AKAP5: variants seen among roughly 807,000 people sequenced by gnomAD.
AKAP5 encodes A-kinase anchor protein 5.
A neutral mutation model predicts 13.8 loss-of-function variants in AKAP5; 5 were observed. That is an observed-to-expected ratio of 0.36 (90% CI 0.19 to 0.76). The LOEUF is 0.76. Among genes scored for constraint, AKAP5 ranks in the 30% least tolerant of loss-of-function variants. The probability of loss-of-function intolerance (pLI) is 0.51; values close to 1 mark genes in which losing one functional copy is unlikely to be tolerated. For synonymous variants in AKAP5, 148 were observed against 167.2 expected (o/e 0.89, Z 0.89); for missense variants, 406 against 484.4 (o/e 0.84, Z 1.52).
chr14:64,472,905 A>G lies in AKAP5; in HGVS notation c.*3227A>G, dbSNP rs2078689455. The G allele has an allele frequency of 6.0e-6, 1 of 166,886 alleles. No homozygotes were observed. Among genetic ancestry groups the G allele is most frequent in the Non-Finnish European group, 1.5e-5 (1 of 68,092 alleles). 10.3% of individuals were successfully genotyped at this position (166,886 alleles called of 1,614,324 possible). On this transcript the variant is annotated 3_prime_UTR_variant, in exon 2 of 2. Transcript: ENST00000394718. ...AATAATTATTAGGAACACCACATGA[A>G]TTTTCTTTACATTTGCTGTGGTATA...
rs2078642226 is a variant in AKAP5, at chr14:64,469,223, G to A, written c.829G>A (p.Val277Met). Residue 277 changes from valine to methionine, a missense_variant, in exon 2 of 2, where the codon GTG becomes ATG. Physicochemically the swap from Val to Met is conservative, Grantham distance 21 (BLOSUM62 1). Coordinates refer to ENST00000394718, the MANE Select transcript of AKAP5 (RefSeq NM_004857.3). ...ACCTGCAATTCCAGATCAACAAATT[G>A]TGGAAGAAGCCAGTAACAGTACCCT... ...PLPAIPDQQI[V>M]EEASNSTLES... 6.2e-7 allele frequency: 1 copy of A among 1,613,984 alleles called. No individual in the cohort carries two copies. Among genetic ancestry groups the A allele is most frequent in the South Asian group, 1.1e-5 (1 of 91,088 alleles).
At position 64,472,662 on chromosome 14, in the gene AKAP5, C is replaced by T. The variant is rs2078685889; in HGVS notation, c.*2984C>T. The T allele has an allele frequency of 6.0e-6, 1 of 166,928 alleles. No individual in the cohort carries two copies. The highest frequency in any genetic ancestry group is 1.5e-5 in the Non-Finnish European group (1 of 68,076). 10.3% of individuals were successfully genotyped at this position (166,928 alleles called of 1,614,324 possible). ...AAGGAATTCCGAAATTAACTGGTCTCAATCTGATTATATGTGCTACATGGC... is the reference window on the plus strand; with the variant it reads ...AAGGAATTCCGAAATTAACTGGTCTTAATCTGATTATATGTGCTACATGGC... On this transcript the variant is annotated 3_prime_UTR_variant, in exon 2 of 2. Coordinates refer to ENST00000394718, the MANE Select transcript of AKAP5 (RefSeq NM_004857.3).
At position 64,469,518 on chromosome 14, in the gene AKAP5, CTAA is replaced by C. The variant is rs1355869408; in HGVS notation, c.1126_1128del (p.Asn376del). The C allele has an allele frequency of 6.2e-7, 1 of 1,613,490 alleles. No homozygotes were observed. The highest frequency in any genetic ancestry group is 1.3e-5 in the African/African-American group (1 of 74,988). On this transcript the variant is annotated inframe_deletion, in exon 2 of 2. Coordinates refer to ENST00000394718, the MANE Select transcript of AKAP5 (RefSeq NM_004857.3). ...GAAAATGAGCAAGTAGGGGTTTTTGCTAATGATAATGGTTTTGAGGATAGAACT... is the reference window on the plus strand; with the variant it reads ...GAAAATGAGCAAGTAGGGGTTTTTGCTGATAATGGTTTTGAGGATAGAACT...
rs1428975447 is a variant in AKAP5, at chr14:64,468,671, G to C, written c.277G>C (p.Glu93Gln). 1 of 1,614,072 alleles carries C rather than the reference G, an allele frequency of 6.2e-7. No individual in the cohort carries two copies. The highest frequency in any genetic ancestry group is 1.7e-5 in the Admixed American group (1 of 60,032). The change falls in exon 2 of 2, where the codon GAG (glutamate) becomes CAG (glutamine). Residue 93 changes from glutamate (E) to glutamine (Q), a missense_variant. Physicochemically the swap from Glu to Gln is conservative, Grantham distance 29. Coordinates refer to ENST00000394718, the MANE Select transcript of AKAP5 (RefSeq NM_004857.3). Reference sequence around the variant, plus strand: ...TCTTGTAACACGCAGGAAAAGGTCAGAGTCTTCAAAGCAGCAAAAGCCATT... The same window carrying C: ...TCTTGTAACACGCAGGAAAAGGTCACAGTCTTCAAAGCAGCAAAAGCCATT... ...KRLVTRRKRS[E>Q]SSKQQKPLEG...
At position 64,469,179 on chromosome 14, in the gene AKAP5, T is replaced by G; in HGVS notation, c.785T>G (p.Leu262Arg). Residue 262 changes from leucine to arginine, a missense_variant, in exon 2 of 2, where the codon CTT becomes CGT. By Grantham distance (102) the Leu-to-Arg change is moderately radical. Transcript: ENST00000394718. ...TSETDHQQPV[L>R]SDVPPLPAIP... Reference sequence around the variant, plus strand: ...GAAACAGACCATCAGCAGCCAGTACTTTCTGATGTTCCTCCTTTACCTGCA... The same window carrying G: ...GAAACAGACCATCAGCAGCCAGTACGTTCTGATGTTCCTCCTTTACCTGCA... 6.2e-7 allele frequency: 1 copy of G among 1,614,156 alleles called. No homozygotes were observed. The highest frequency in any genetic ancestry group is 8.5e-7 in the Non-Finnish European group (1 of 1,180,034).
Position 64,469,562 on chromosome 14 carries a change from A to T in AKAP5, c.1168A>T (p.Thr390Ser). ...FEDRTSEQYETLLIETASSLV... is the reference protein window; with the variant it reads ...FEDRTSEQYESLLIETASSLV... Reference sequence around the variant, plus strand: ...GGATAGAACTTCAGAACAATATGAAACACTCTTAATTGAAACAGCCTCTTC... The same window carrying T: ...GGATAGAACTTCAGAACAATATGAATCACTCTTAATTGAAACAGCCTCTTC... Residue 390 changes from threonine to serine, a missense_variant, in exon 2 of 2, where the codon ACA becomes TCA. Physicochemically the swap from Thr to Ser is moderately conservative, Grantham distance 58. Transcript: ENST00000394718. 6.2e-7 allele frequency: 1 copy of T among 1,613,894 alleles called. No homozygotes were observed. The highest frequency in any genetic ancestry group is 1.1e-5 in the South Asian group (1 of 90,994).
chr14:64,468,284 T>G lies in AKAP5; in HGVS notation c.-111T>G. On this transcript the variant is annotated 5_prime_UTR_variant, in exon 2 of 2. It removes an upstream start codon present in the reference 5' UTR. Coordinates refer to ENST00000394718, the MANE Select transcript of AKAP5 (RefSeq NM_004857.3). ...TGGAGTAAGATGAAAGGTATGAATA[T>G]GCCTGGAAGAAATTTTACCTAGTGT... The G allele has an allele frequency of 9.9e-7, 1 of 1,007,394 alleles. No homozygotes were observed. Among genetic ancestry groups the G allele is most frequent in the Non-Finnish European group, 1.4e-6 (1 of 698,358 alleles). 62.4% of individuals were successfully genotyped at this position (1,007,394 alleles called of 1,614,324 possible). A position where few individuals can be genotyped will look rare whatever the true frequency, so the allele number is the denominator to read the frequency against.
Position 64,468,248 on chromosome 14 carries a change from A to G in AKAP5, c.-147A>G. On this transcript the variant is annotated 5_prime_UTR_variant, in exon 2 of 2. Transcript: ENST00000394718. ...ATTTCTATACTAGAGAAACCACCTAAAACAACTGTATGGAGTAAGATGAAA... is the reference window on the plus strand; with the variant it reads ...ATTTCTATACTAGAGAAACCACCTAGAACAACTGTATGGAGTAAGATGAAA... 1 of 665,244 alleles carries G rather than the reference A, an allele frequency of 1.5e-6. No individual in the cohort carries two copies. The highest frequency in any genetic ancestry group is 2.7e-5 in the South Asian group (1 of 36,378). 41.2% of individuals were successfully genotyped at this position (665,244 alleles called of 1,614,324 possible).
In AKAP5 at chr14:64,469,235, A is replaced by G; in HGVS notation, c.841A>G (p.Ser281Gly). 3.7e-6 allele frequency: 6 copies of G among 1,614,058 alleles called. No homozygotes were observed. Among genetic ancestry groups the G allele is most frequent in the Non-Finnish European group, 5.1e-6 (6 of 1,180,026 alleles). The change falls in exon 2 of 2, where the codon AGT becomes GGT. Residue 281 changes from serine to glycine, a missense_variant. Ser to Gly is a moderately conservative substitution (Grantham distance 56). Transcript: ENST00000394718. ...IPDQQIVEEA[S>G]NSTLESAPNG... The stretch of plus-strand genomic sequence containing the variant: ...AGATCAACAAATTGTGGAAGAAGCC[A>G]GTAACAGTACCCTAGAAAGTGCACC...
Position 64,469,729 on chromosome 14 carries a change from T to A in AKAP5, c.*51T>A. The stretch of plus-strand genomic sequence containing the variant: ...AAAACAAGCTTAATGAAGAATTCTT[T>A]TATACATTTGTGGCATTTCTTACTC... On this transcript the variant is annotated 3_prime_UTR_variant, in exon 2 of 2. Coordinates refer to ENST00000394718, the MANE Select transcript of AKAP5 (RefSeq NM_004857.3). The A allele has an allele frequency of 8.5e-6, 11 of 1,298,516 alleles. No individual in the cohort carries two copies. The highest frequency in any genetic ancestry group is 1.2e-5 in the Non-Finnish European group (11 of 946,602). The allele number at this position is 1,298,516 out of a possible 1,614,324, so 80.4% of individuals were successfully genotyped here.
rs2078682353 is a variant in AKAP5 at position 64,472,405 on chromosome 14, T to TA, written c.*2734dup. 1 of 167,016 alleles carries TA rather than the reference T, an allele frequency of 6.0e-6. No homozygotes were observed. The highest frequency in any genetic ancestry group is 1.5e-5 in the Non-Finnish European group (1 of 68,108). The allele number at this position is 167,016 out of a possible 1,614,324, so 10.3% of individuals were successfully genotyped here. ...TATTGGAAATATTTTGGGGGATTTT[T>TA]AAAAAAACAGATAAATGGTAAATAT... On this transcript the variant is annotated 3_prime_UTR_variant, in exon 2 of 2. Coordinates refer to ENST00000394718, the MANE Select transcript of AKAP5 (RefSeq NM_004857.3).
rs779894040 is a variant in AKAP5, at chr14:64,469,654, T to C, written c.1260T>C (p.Asn420=). 1 of 1,590,786 alleles carries C rather than the reference T, an allele frequency of 6.3e-7. No homozygotes were observed. The highest frequency in any genetic ancestry group is 8.5e-7 in the Non-Finnish European group (1 of 1,172,244). ...QLVNEMASDD[N]KINNLLQ is the part of the protein sequence containing the mutation. ...TTAATGAAATGGCCTCTGATGATAA[T>C]AAAATAAACAATCTTCTACAGTGAC... Residue 420 remains asparagine (N), a synonymous_variant, in exon 2 of 2, where the codon AAT becomes AAC. Coordinates refer to ENST00000394718, the MANE Select transcript of AKAP5 (RefSeq NM_004857.3).
rs375003843 is a variant in AKAP5, at chr14:64,468,849, T to C, written c.455T>C (p.Ile152Thr). ...SKIIEDSDCS[I>T]KVQEEAEILD... The stretch of plus-strand genomic sequence containing the variant: ...ATTATAGAAGACTCAGACTGCAGCA[T>C]CAAAGTCCAGGAAGAAGCTGAAATT... Residue 152 changes from isoleucine (I) to threonine (T), a missense_variant, in exon 2 of 2, where the codon ATC (isoleucine) becomes ACC (threonine). Physicochemically the swap from Ile to Thr is moderately conservative, Grantham distance 89. Coordinates refer to ENST00000394718, the MANE Select transcript of AKAP5 (RefSeq NM_004857.3). The C allele has an allele frequency of 1.1e-5, 17 of 1,614,096 alleles. No homozygotes were observed. The highest frequency in any genetic ancestry group is 1.4e-5 in the Non-Finnish European group (17 of 1,180,026).
At position 64,469,845 on chromosome 14, in the gene AKAP5, C is replaced by G. The variant is rs914910709; in HGVS notation, c.*167C>G. 1.6e-5 allele frequency: 9 copies of G among 558,294 alleles called. No homozygotes were observed. The highest frequency in any genetic ancestry group is 1.6e-4 in the African/African-American group (8 of 51,274). 34.6% of individuals were successfully genotyped at this position (558,294 alleles called of 1,614,324 possible). A position where few individuals can be genotyped will look rare whatever the true frequency, so the allele number is the denominator to read the frequency against. On this transcript the variant is annotated 3_prime_UTR_variant, in exon 2 of 2. Transcript: ENST00000394718. The stretch of plus-strand genomic sequence containing the variant: ...AAGATTAAGTCAAGTTTATAAAACT[C>G]TACCACTGAAATGCAGTCACTTCTG...
chr14:64,467,619 G>A (rs2078624953), intron 1 of AKAP5: 1 of 151,902 alleles, frequency 6.6e-6, no homozygotes, highest in Non-Finnish European at 1.5e-5. Flanking sequence ...AAAGTCTCTA[G>A]TTCTAACTCT....
rs2078643881 is a variant in AKAP5 at position 64,469,358 on chromosome 14, A to G, written c.964A>G (p.Ile322Val). The G allele has an allele frequency of 1.2e-6, 2 of 1,613,946 alleles. No individual in the cohort carries two copies. The highest frequency in any genetic ancestry group is 4.5e-5 in the East Asian group (2 of 44,898). Residue 322 changes from isoleucine (I) to valine (V), a missense_variant, in exon 2 of 2, where the codon ATC becomes GTC. Coordinates refer to ENST00000394718, the MANE Select transcript of AKAP5 (RefSeq NM_004857.3). ...AGAATCAGATTTTAAAGAAAATGGG[A>G]TCACTGAAGAGAAATCCAAATCAGA... ...SQESDFKENGITEEKSKSEES... is the reference protein window; with the variant it reads ...SQESDFKENGVTEEKSKSEES...
chr14:64,466,106 C>T (rs955242910), intron 1 of AKAP5, among the ~76,000 whole-genome samples: 1 of 152,194 alleles, frequency 6.6e-6, no homozygotes, highest in East Asian at 1.9e-4. Flanking sequence ...TTGCTTTCCT[C>T]GGGTACTGGC....
chr14:64,472,070 A>G lies in AKAP5; in HGVS notation c.*2392A>G, dbSNP rs769134019. 1.4e-4 allele frequency: 23 copies of G among 166,778 alleles called. No homozygotes were observed. The highest frequency in any genetic ancestry group is 2.3e-4 in the Non-Finnish European group (16 of 68,110). The allele number at this position is 166,778 out of a possible 1,614,324, so 10.3% of individuals were successfully genotyped here. A position where few individuals can be genotyped will look rare whatever the true frequency, so the allele number is the denominator to read the frequency against. Reference sequence around the variant, plus strand: ...CTGAGCAAGATGAAAAGTGTCATTCAAAACACATGACCCAAGAAGTCAATT... The same window carrying G: ...CTGAGCAAGATGAAAAGTGTCATTCGAAACACATGACCCAAGAAGTCAATT... On this transcript the variant is annotated 3_prime_UTR_variant, in exon 2 of 2. Coordinates refer to ENST00000394718, the MANE Select transcript of AKAP5 (RefSeq NM_004857.3).
chr14:64,469,111 A>T lies in AKAP5; in HGVS notation c.717A>T (p.Lys239Asn). The T allele has an allele frequency of 6.2e-7, 1 of 1,614,086 alleles. No homozygotes were observed. The highest frequency in any genetic ancestry group is 8.5e-7 in the Non-Finnish European group (1 of 1,180,026). ...AAGAAATTGAAACGATCAAGGAAAA[A>T]CAAGATGTTCAACCCCAGCAAGCAA... The part of the protein sequence containing the change: ...ILEEIETIKE[K>N]QDVQPQQASP... Residue 239 changes from lysine (K) to asparagine (N), a missense_variant, in exon 2 of 2, where the codon AAA becomes AAT. By Grantham distance (94) the Lys-to-Asn change is moderately conservative. Coordinates refer to ENST00000394718, the MANE Select transcript of AKAP5 (RefSeq NM_004857.3).
Sources: allele counts gnomAD v4.1 joint callset (sites outside exome capture counted in the v4.1 genomes callset), GRCh38; gene constraint gnomAD v4.1.1; transcripts MANE v1.5; gene names NCBI Gene and HGNC (gene_info 2026-07-23, HGNC 2026-07-21).